GLRA3: variants seen among roughly 807,000 people sequenced by gnomAD.
GLRA3 encodes glycine receptor alpha 3, also known as glycine receptor subunit alpha-3.
GLRA3 carries 44 observed loss-of-function variants against 60.4 expected under a neutral mutation model. The observed-to-expected ratio is 0.73, with a 90% CI of 0.57 to 0.94. The LOEUF (loss-of-function observed/expected upper bound fraction) is 0.94, where lower values mean the gene tolerates loss of function less well. Ranked by LOEUF, GLRA3 falls within the 40% of genes least tolerant of loss-of-function variation. GLRA3 has a pLI of 0.00. For synonymous variants in GLRA3, 223 were observed against 192.9 expected, an observed-to-expected ratio of 1.16 and a Z score of -1.29; for missense variants, 508 against 564.6, an observed-to-expected ratio of 0.90 and a Z score of 1.02.
chr4:174,794,217 T>C (rs945353948), intron 1 of GLRA3, among the ~76,000 whole-genome samples: 1 of 152,128 alleles, frequency 6.6e-6, no homozygotes, highest in Non-Finnish European at 1.5e-5. Context: ...CCTATTATAA[T>C]AGTTTGATAT....
intron 5 of GLRA3, among the ~76,000 whole-genome samples, chr4:174,694,270 A>C (rs1734968174): frequency 6.6e-6 from 1 of 152,152 alleles, no homozygotes; most frequent in African/African-American, 2.4e-5. Context: ...TCCACCCAAA[A>C]CCAACAGAAT....
At chr4:174,676,090 C>T (rs1734106244) in intron 7 of GLRA3, among the ~76,000 whole-genome samples, 1 of 152,098 alleles carries the variant, frequency 6.6e-6, no homozygotes, top group African/African-American at 2.4e-5. Flanking sequence ...GAAACTTCTT[C>T]TTAGACGTCA....
At chr4:174,666,017 A>G (rs757735808) in intron 7 of GLRA3, among the ~76,000 whole-genome samples, 7 of 152,304 alleles carry the variant, frequency 4.6e-5, no homozygotes, top group Non-Finnish European at 1.0e-4. Flanking sequence ...TTAAGGCCAC[A>G]TGGCTACCAA....
chr4:174,758,156 T>C (rs1032866377), intron 3 of GLRA3, among the ~76,000 whole-genome samples: 3 of 152,108 alleles, frequency 2.0e-5, no homozygotes, highest in African/African-American at 7.2e-5. Context: ...AAAACTGTTT[T>C]CTTTATAAAT....
At chr4:174,770,701 G>T (rs1305496386) in intron 2 of GLRA3, among the ~76,000 whole-genome samples, 1 of 151,930 alleles carries the variant, frequency 6.6e-6, no homozygotes, top group Non-Finnish European at 1.5e-5. Flanking sequence ...TAAAAGACCT[G>T]CATCCTAGGG....
rs746405068 is a variant in GLRA3, at chr4:174,753,165, C to T, written c.267+13798G>A. 2.0e-5 allele frequency among the ~76,000 whole-genome samples: 3 copies of T among 152,308 alleles called. No individual in the cohort carries two copies. The South Asian group carries it at 6.2e-4, about 32-fold the overall frequency. On this transcript the variant is annotated intron_variant, in intron 3 of 9. Coordinates refer to ENST00000274093, the MANE Select transcript of GLRA3 (RefSeq NM_006529.4). ...TTAACTCTTGCGTGCATCTGTTCTACTTGACAGGACACTTGTGGCACAGCC... is the reference window on the plus strand; with the variant it reads ...TTAACTCTTGCGTGCATCTGTTCTATTTGACAGGACACTTGTGGCACAGCC...
chr4:174,744,368 T>G (rs1266111722), intron 3 of GLRA3, among the ~76,000 whole-genome samples: 2 of 152,224 alleles, frequency 1.3e-5, no homozygotes, highest in Non-Finnish European at 2.9e-5. Context: ...CTGACACAGG[T>G]GCTGGTGTAT....
At chr4:174,691,325 G>A (rs903887174) in intron 5 of GLRA3, among the ~76,000 whole-genome samples, 2 of 152,076 alleles carry the variant, frequency 1.3e-5, no homozygotes, top group African/African-American at 2.4e-5. Flanking sequence ...AAGAAAAAAT[G>A]TGCTGGCCAC....
intron 1 of GLRA3, among the ~76,000 whole-genome samples, chr4:174,828,190 T>A (rs949230746): frequency 6.6e-6 from 1 of 152,162 alleles, no homozygotes; most frequent in Non-Finnish European, 1.5e-5. Flanking sequence ...TATCTAATAA[T>A]CTATTTATGA....
chr4:174,733,524 C>A (rs912641786), intron 3 of GLRA3, among the ~76,000 whole-genome samples: 1 of 152,148 alleles, frequency 6.6e-6, no homozygotes, highest in East Asian at 1.9e-4. Context: ...AACCTTCCCC[C>A]CTCTATCAGC....
At chr4:174,824,720 G>C (rs987638157) in intron 1 of GLRA3, among the ~76,000 whole-genome samples, 8 of 151,980 alleles carry the variant, frequency 5.3e-5, no homozygotes, top group Non-Finnish European at 7.4e-5. Context: ...ATCTTACAAG[G>C]CCCACCACAA....
intron 1 of GLRA3, among the ~76,000 whole-genome samples, chr4:174,793,380 CA>C (rs1254880221): frequency 6.6e-6 from 1 of 151,486 alleles, no homozygotes; most frequent in East Asian, 1.9e-4. Context: ...GCAGGCCTTT[CA>C]AAAAAATACC....
chr4:174,816,452 C>G (rs1740502709), intron 1 of GLRA3, among the ~76,000 whole-genome samples: 1 of 152,196 alleles, frequency 6.6e-6, no homozygotes, highest in Non-Finnish European at 1.5e-5. Context: ...TCATAGGCAT[C>G]ACGTTCACTA....
chr4:174,735,632 C>T (rs1736754904), intron 3 of GLRA3, among the ~76,000 whole-genome samples: 1 of 152,160 alleles, frequency 6.6e-6, no homozygotes, highest in Non-Finnish European at 1.5e-5. Context: ...GCCAACTCTG[C>T]TCATGGCAAC....
chr4:174,679,126 T>C (rs1406968540), intron 6 of GLRA3, among the ~76,000 whole-genome samples: 1 of 152,078 alleles, frequency 6.6e-6, no homozygotes, highest in African/African-American at 2.4e-5. Context: ...GGTCAGGAGA[T>C]GGAGACCAAC....
At chr4:174,765,341 C>T (rs1266729794) in intron 3 of GLRA3, among the ~76,000 whole-genome samples, 2 of 152,024 alleles carry the variant, frequency 1.3e-5, no homozygotes, top group African/African-American at 4.8e-5. Context: ...TCTGCCTATG[C>T]CCTCTCTTTT....
At chr4:174,688,935 C>T (rs937135300) in intron 5 of GLRA3, among the ~76,000 whole-genome samples, 27 of 151,978 alleles carry the variant, frequency 1.8e-4, no homozygotes, top group Admixed American at 2.6e-4. Context: ...CAAAGAGGTA[C>T]ATTTCAGCTA....
chr4:174,815,950 G>A (rs73008390), intron 1 of GLRA3, among the ~76,000 whole-genome samples: 2,119 of 152,118 alleles, frequency 0.014, 46 homozygotes, highest in African/African-American at 0.048. Flanking sequence ...TTTCTTTTCC[G>A]TGGCATCATC....
intron 9 of GLRA3, among the ~76,000 whole-genome samples, chr4:174,652,602 A>T (rs1021021393): frequency 6.6e-6 from 1 of 152,046 alleles, no homozygotes; most frequent in East Asian, 1.9e-4. Flanking sequence ...TTCAGTCATT[A>T]TGCTTCTATA....
Sources: allele counts gnomAD v4.1 joint callset (sites outside exome capture counted in the v4.1 genomes callset), GRCh38; gene constraint gnomAD v4.1.1; transcripts MANE v1.5; gene names NCBI Gene and HGNC (gene_info 2026-07-23, HGNC 2026-07-21).